The following PRELID1 variants were observed in gnomAD, a reference collection of about 807,000 sequenced individuals.
PRELID1 encodes PRELI domain-containing protein 1, mitochondrial.
A neutral mutation model predicts 29.0 loss-of-function variants in PRELID1; 15 were observed. That is an observed-to-expected ratio of 0.52 (90% CI 0.35 to 0.80). The LOEUF is 0.80. PRELID1 is among the 30% of genes least tolerant of loss of function. The pLI is 0.01. For synonymous variants in PRELID1, 79 were observed against 106.5 expected, an observed-to-expected ratio of 0.74 and a Z score of 1.59; for missense variants, 187 against 275.9, an observed-to-expected ratio of 0.68 and a Z score of 2.28.
chr5:177,304,878 A>ACCTCCCCCTCTCC (rs1561591908), intron 2 of PRELID1, 28 bp downstream of exon 2: 2 of 1,532,452 alleles, frequency 1.3e-6, no homozygotes, highest in Middle Eastern at 1.7e-4. Context: ...GTGATTCTGC[A>ACCTCCCCCTCTCC]CCTCCCCCTC....
rs1354068358 is a variant in PRELID1 at position 177,304,860 on chromosome 5, C to T, written c.318+10C>T. Reference sequence around the variant, plus strand: ...CCACGCCCGGCTGATGGTGAGACACCTCCTGTTGTGATTCTGCACCTCCCC... The same window carrying T: ...CCACGCCCGGCTGATGGTGAGACACTTCCTGTTGTGATTCTGCACCTCCCC... On this transcript the variant is annotated intron_variant, in intron 2 of 4. Transcript: ENST00000303204. The T allele has an allele frequency of 8.8e-6, 14 of 1,594,440 alleles. No homozygotes were observed. In the East Asian group the frequency reaches 1.6e-4, roughly 18 times the overall value.
chr5:177,304,799 G>A lies in PRELID1; in HGVS notation c.267G>A (p.Gln89=), dbSNP rs1213867767. 3.1e-6 allele frequency: 5 copies of A among 1,613,754 alleles called. No individual in the cohort carries two copies. In the African/African-American group the frequency reaches 6.7e-5, roughly 22 times the overall value. ...TGGAGGACTCTATTGTGGACCCACA[G>A]AATCAGACCATGACTACCTTCACCT... is the stretch of plus-strand genomic sequence containing the variant. The part of the protein sequence containing the change: ...YVLEDSIVDP[Q]NQTMTTFTWN... The change falls in exon 2 of 5, where the codon CAG becomes CAA. Residue 89 remains glutamine, a synonymous_variant. Transcript: ENST00000303204.
At chr5:177,305,596 A>G in intron 2 of PRELID1, 1 of 457,538 alleles carries the variant, frequency 2.2e-6, no homozygotes, top group Non-Finnish European at 4.0e-6. Flanking sequence ...GCACAAAACA[A>G]AATCCAGGAG....
Position 177,304,681 on chromosome 5 carries a change from T to C in PRELID1, c.149T>C (p.Leu50Pro). ...CGGGAGGTGACCCCTGACCAGAAAC[T>C]GCTGTCCCGGCGACTCCTGACCAAG... ...VHREVTPDQK[L>P]LSRRLLTKTN... Residue 50 changes from leucine to proline, a missense_variant, in exon 2 of 5, where the codon CTG becomes CCG. Coordinates refer to ENST00000303204, the MANE Select transcript of PRELID1 (RefSeq NM_013237.4). 6.2e-7 allele frequency: 1 copy of C among 1,614,092 alleles called. No individual in the cohort carries two copies. Among genetic ancestry groups the C allele is most frequent in the Non-Finnish European group, 8.5e-7 (1 of 1,179,980 alleles).
intron 4 of PRELID1, 33 bp from the exon 5 acceptor site, chr5:177,306,389 C>G: frequency 6.2e-7 from 1 of 1,613,550 alleles, no homozygotes. Context: ...TTTCAGGCAT[C>G]TTCTAAAGGC....
At chr5:177,304,895 C>T (rs767985985) in intron 2 of PRELID1, 45 bp downstream of exon 2, 2 of 1,479,842 alleles carry the variant, frequency 1.4e-6, no homozygotes, top group African/African-American at 2.8e-5. Context: ...CCTCTCCCCT[C>T]CCCCCGAGAT....
At position 177,306,730 on chromosome 5, in the gene PRELID1, G is replaced by A; in HGVS notation, c.*160G>A. 2 of 1,147,894 alleles carry A rather than the reference G, an allele frequency of 1.7e-6. No homozygotes were observed. The highest frequency in any genetic ancestry group is 2.4e-6 in the Non-Finnish European group (2 of 825,282). 71.1% of individuals were successfully genotyped at this position (1,147,894 alleles called of 1,614,324 possible). On this transcript the variant is annotated 3_prime_UTR_variant, in exon 5 of 5. Coordinates refer to ENST00000303204, the MANE Select transcript of PRELID1 (RefSeq NM_013237.4). Reference sequence around the variant, plus strand: ...GGCATCTGCAGTACACCAAGCACATGATTCATGTCTGAGCCAGGTCTGCTT... The same window carrying A: ...GGCATCTGCAGTACACCAAGCACATAATTCATGTCTGAGCCAGGTCTGCTT...
rs191305488 is a variant in PRELID1 at position 177,306,090 on chromosome 5, C to G, written c.433-8C>G. On this transcript the variant is annotated splice_region_variant and splice_polypyrimidine_tract_variant and intron_variant, in intron 3 of 4. Coordinates refer to ENST00000303204, the MANE Select transcript of PRELID1 (RefSeq NM_013237.4). ...CTCAGTATCCTTCCCATTCTCATCTCATGCCAGGAATTTGGTCTTGCCCGA... is the reference window on the plus strand; with the variant it reads ...CTCAGTATCCTTCCCATTCTCATCTGATGCCAGGAATTTGGTCTTGCCCGA... 2 of 1,609,732 alleles carry G rather than the reference C, an allele frequency of 1.2e-6. No individual in the cohort carries two copies. Among genetic ancestry groups the G allele is most frequent in the Admixed American group, 1.7e-5 (1 of 60,026 alleles).
Position 177,304,640 on chromosome 5 carries a change from G to A in PRELID1, c.108G>A (p.Thr36=). The A allele has an allele frequency of 6.2e-7, 1 of 1,613,156 alleles. No homozygotes were observed. Among genetic ancestry groups the A allele is most frequent in the Non-Finnish European group, 8.5e-7 (1 of 1,179,162 alleles). The stretch of plus-strand genomic sequence containing the variant: ...ACACCTGCAGCAAACATGTCTTGAC[G>A]GAAGACATAGTACACCGGGAGGTGA... ...YPNPYSKHVL[T]EDIVHREVTP... is the part of the protein sequence containing the mutation. Residue 36 remains threonine (T), a synonymous_variant, in exon 2 of 5, where the codon ACG becomes ACA. Coordinates refer to ENST00000303204, the MANE Select transcript of PRELID1 (RefSeq NM_013237.4).
At chr5:177,305,797 G>A (rs1205274133) in intron 2 of PRELID1, 74 bp from the exon 3 acceptor site, 3 of 1,261,176 alleles carry the variant, frequency 2.4e-6, no homozygotes, top group East Asian at 4.7e-5. Flanking sequence ...CATGAAAAGT[G>A]ACAGGGAGTC....
chr5:177,303,870 G>A lies in PRELID1; in HGVS notation c.-116G>A, dbSNP rs888761295. The stretch of plus-strand genomic sequence containing the variant: ...TTGGGCGCGGTGCGGTGGTGACTGA[G>A]CTACGAGCCTGGCGGCGGGTGTGCG... On this transcript the variant is annotated 5_prime_UTR_variant, in exon 1 of 5. Coordinates refer to ENST00000303204, the MANE Select transcript of PRELID1 (RefSeq NM_013237.4). This position sits in a 1 kb window ranked among gnomAD's most constrained non-coding sequence, Gnocchi z 6.1. 12 of 842,518 alleles carry A rather than the reference G, an allele frequency of 1.4e-5. No homozygotes were observed. In the East Asian group the frequency reaches 2.9e-4, roughly 21 times the overall value. The allele number at this position is 842,518 out of a possible 1,614,324, so 52.2% of individuals were successfully genotyped here. A position where few individuals can be genotyped will look rare whatever the true frequency, so the allele number is the denominator to read the frequency against.
At chr5:177,305,081 T>G (rs1760826062) in intron 2 of PRELID1, among the ~76,000 whole-genome samples, 1 of 152,188 alleles carries the variant, frequency 6.6e-6, no homozygotes, top group East Asian at 1.9e-4. Context: ...GGGGGAGGGG[T>G]ACCTATCTTA....
At position 177,303,817 on chromosome 5, in the gene PRELID1, T is replaced by C. The variant is rs1184968503; in HGVS notation, c.-169T>C. Reference sequence around the variant, plus strand: ...AAGTGGCGCGCGGCCGGACAACTCATGGCGGCGGCGGCGGCGGCGGCAGCT... The same window carrying C: ...AAGTGGCGCGCGGCCGGACAACTCACGGCGGCGGCGGCGGCGGCGGCAGCT... On this transcript the variant is annotated 5_prime_UTR_variant, in exon 1 of 5. An upstream start codon of the reference 5' UTR is lost. Coordinates refer to ENST00000303204, the MANE Select transcript of PRELID1 (RefSeq NM_013237.4). This position sits in a 1 kb window ranked among gnomAD's most constrained non-coding sequence, Gnocchi z 6.1. 1.7e-5 allele frequency: 8 copies of C among 463,542 alleles called. No individual in the cohort carries two copies. Among genetic ancestry groups the C allele is most frequent in the Non-Finnish European group, 2.5e-5 (7 of 277,616 alleles). The allele number at this position is 463,542 out of a possible 1,614,324, so 28.7% of individuals were successfully genotyped here. A position where few individuals can be genotyped will look rare whatever the true frequency, so the allele number is the denominator to read the frequency against.
intron 1 of PRELID1, 66 bp downstream of exon 1, chr5:177,304,143 C>G (rs1417592284): frequency 7.0e-7 from 1 of 1,437,508 alleles, no homozygotes; most frequent in East Asian, 2.3e-5. Context: ...TATGGGTAAC[C>G]CCCAAGTACT....
Position 177,305,991 on chromosome 5 carries a change from A to G in PRELID1, c.432+7A>G, listed in dbSNP as rs1403758151. On this transcript the variant is annotated splice_region_variant and intron_variant, in intron 3 of 4. Coordinates refer to ENST00000303204, the MANE Select transcript of PRELID1 (RefSeq NM_013237.4). ...TGTCTCCAGAGCTGTCCAGGTGAGC[A>G]GTGTTGTTGGGGCTGCTGGGGCTCT... 6.2e-7 allele frequency: 1 copy of G among 1,613,002 alleles called. No individual in the cohort carries two copies. The highest frequency in any genetic ancestry group is 2.2e-5 in the East Asian group (1 of 44,874).
chr5:177,304,451 G>T (rs28362590), intron 1 of PRELID1, 174 bp from the exon 2 acceptor site: 523,500 of 702,604 alleles, frequency 0.75, 197,650 homozygotes, highest in African/African-American at 0.86. Context: ...TGGCGGGAGT[G>T]GGAATTTGCC....
intron 2 of PRELID1, 55 bp downstream of exon 2, chr5:177,304,905 T>C: frequency 6.9e-7 from 1 of 1,454,046 alleles, no homozygotes; most frequent in Admixed American, 1.9e-5. Flanking sequence ...CCCCCCGAGA[T>C]AGAGAGCTCC....
intron 4 of PRELID1, 110 bp downstream of exon 4, chr5:177,306,286 G>GT: frequency 6.4e-7 from 1 of 1,560,328 alleles, no homozygotes; most frequent in Non-Finnish European, 8.8e-7. Flanking sequence ...CTCCTTGTCT[G>GT]TACTGGGGGT....
chr5:177,305,790 GAA>G, intron 2 of PRELID1, 79 bp from the exon 3 acceptor site: 4 of 1,202,096 alleles, frequency 3.3e-6, no homozygotes, highest in Non-Finnish European at 4.9e-6. Flanking sequence ...TTCGCCTCAT[GAA>G]AAGTGACAGG....
Sources: allele counts gnomAD v4.1 joint callset (sites outside exome capture counted in the v4.1 genomes callset), GRCh38; gene constraint gnomAD v4.1.1; non-coding constraint Gnocchi (gnomAD v3.1); transcripts MANE v1.5; gene names NCBI Gene and HGNC (gene_info 2026-07-23, HGNC 2026-07-21).